MAP2K5: variants seen among roughly 807,000 people sequenced by gnomAD.
MAP2K5 encodes mitogen-activated protein kinase kinase 5, also known as dual specificity mitogen-activated protein kinase kinase 5.
In MAP2K5, 49 loss-of-function variants were observed where a neutral mutation model predicts 83.1. The observed-to-expected ratio is 0.59, with a 90% CI of 0.47 to 0.75. The LOEUF is 0.75. MAP2K5 is among the 30% of genes least tolerant of loss of function. The pLI is 0.00. For synonymous variants in MAP2K5, 202 were observed against 191.8 expected, an observed-to-expected ratio of 1.05 and a Z score of -0.44; for missense variants, 457 against 557.5, an observed-to-expected ratio of 0.82 and a Z score of 1.82.
Position 67,738,909 on chromosome 15 carries a change from C to T in MAP2K5, c.1075-9322C>T, listed in dbSNP as rs1268940266. On this transcript the variant is annotated intron_variant, in intron 17 of 21. Coordinates refer to ENST00000178640, the MANE Select transcript of MAP2K5 (RefSeq NM_145160.3). The surrounding 1 kb of genome is among the most constrained non-coding windows in gnomAD (Gnocchi z 4.1). ...GCTCATCACCATCTCCCTCCGATTACTTCCTTGAAGTTTACTGAAACCTGA... is the reference window on the plus strand; with the variant it reads ...GCTCATCACCATCTCCCTCCGATTATTTCCTTGAAGTTTACTGAAACCTGA... Among the ~76,000 whole-genome samples, 1 of 152,166 alleles carries T rather than the reference C, an allele frequency of 6.6e-6. No individual in the cohort carries two copies. The highest frequency in any genetic ancestry group is 1.5e-5 in the Non-Finnish European group (1 of 68,034).
At chr15:67,706,357 G>A (rs765220186) in intron 16 of MAP2K5, among the ~76,000 whole-genome samples, 2 of 152,154 alleles carry the variant, frequency 1.3e-5, no homozygotes, top group African/African-American at 4.8e-5. Context: ...TGAATTTTCA[G>A]GATCGAAGAG....
chr15:67,679,360 A>G (rs1447919028), intron 13 of MAP2K5, among the ~76,000 whole-genome samples: 3 of 152,122 alleles, frequency 2.0e-5, no homozygotes, highest in Non-Finnish European at 2.9e-5. Context: ...CACGATACCA[A>G]TTTCCACAGT....
chr15:67,648,194 A>G (rs952856668), intron 11 of MAP2K5, among the ~76,000 whole-genome samples: 4 of 152,176 alleles, frequency 2.6e-5, no homozygotes, highest in African/African-American at 7.2e-5. Context: ...TACCACCCCC[A>G]GAAAGAGACT....
At chr15:67,683,849 A>C (rs2087883196) in intron 13 of MAP2K5, among the ~76,000 whole-genome samples, 1 of 152,234 alleles carries the variant, frequency 6.6e-6, no homozygotes, top group African/African-American at 2.4e-5. Flanking sequence ...ACCAAAAATA[A>C]TTAGGAAACT....
chr15:67,588,215 C>A, intron 6 of MAP2K5: 1 of 409,572 alleles, frequency 2.4e-6, no homozygotes, highest in Non-Finnish European at 3.3e-6. Flanking sequence ...TCCCACCTGA[C>A]ATTCCAGCTT....
Position 67,794,174 on chromosome 15 carries a change from C to G in MAP2K5, c.1243-12472C>G, listed in dbSNP as rs903169274. 2.0e-5 allele frequency among the ~76,000 whole-genome samples: 3 copies of G among 152,184 alleles called. No individual in the cohort carries two copies. Among genetic ancestry groups the G allele is most frequent in the African/African-American group, 7.2e-5 (3 of 41,426 alleles). On this transcript the variant is annotated intron_variant, in intron 21 of 21. Transcript: ENST00000178640. This position sits in a 1 kb window ranked among gnomAD's most constrained non-coding sequence, Gnocchi z 4.6. ...ACCACCTTGGAAAATGCAGGTCACA[C>G]CAGTCACCACCATCAAAAACGCATT...
rs117642045 is a variant in MAP2K5 at position 67,784,944 on chromosome 15, G to T, written c.1242+12192G>T. 2.7e-3 allele frequency among the ~76,000 whole-genome samples: 418 copies of T among 152,266 alleles called. 8 individuals are homozygous for T. In the East Asian group the frequency reaches 0.047, roughly 17 times the overall value. Reference sequence around the variant, plus strand: ...ACCAGTGGTAGTATCTGAACTGTTTGTTGTTTTTTCCCTGAGACAGGGTCT... The same window carrying T: ...ACCAGTGGTAGTATCTGAACTGTTTTTTGTTTTTTCCCTGAGACAGGGTCT... On this transcript the variant is annotated intron_variant, in intron 21 of 21. Coordinates refer to ENST00000178640, the MANE Select transcript of MAP2K5 (RefSeq NM_145160.3).
intron 3 of MAP2K5, among the ~76,000 whole-genome samples, chr15:67,576,326 T>C (rs2085064060): frequency 6.8e-6 from 1 of 147,854 alleles, no homozygotes; most frequent in Admixed American, 6.7e-5. Context: ...AAAAATGTAA[T>C]TATTGATTGA....
chr15:67,742,621 T>C (rs371942173), intron 17 of MAP2K5, among the ~76,000 whole-genome samples: 85 of 152,348 alleles, frequency 5.6e-4, no homozygotes, highest in African/African-American at 2.0e-3. Context: ...AAGACTGATA[T>C]GGCAAATGTC....
chr15:67,753,903 T>A (rs1413606268), intron 19 of MAP2K5, among the ~76,000 whole-genome samples: 1 of 152,216 alleles, frequency 6.6e-6, no homozygotes, highest in Non-Finnish European at 1.5e-5. Context: ...AACTTATACA[T>A]GAACATTCAT....
At chr15:67,574,488 C>CG (rs2085013146) in intron 3 of MAP2K5, among the ~76,000 whole-genome samples, 1 of 149,604 alleles carries the variant, frequency 6.7e-6, no homozygotes, top group African/African-American at 2.5e-5. Context: ...AGGAGAATCA[C>CG]TTGAACCCAG....
At chr15:67,622,013 G>A (rs867329148) in intron 8 of MAP2K5, among the ~76,000 whole-genome samples, 2 of 151,850 alleles carry the variant, frequency 1.3e-5, no homozygotes, top group South Asian at 2.1e-4. Flanking sequence ...GTGAAACACC[G>A]CCTCTACTAA....
chr15:67,804,300 C>G (rs917971319), intron 21 of MAP2K5, among the ~76,000 whole-genome samples: 2 of 152,242 alleles, frequency 1.3e-5, no homozygotes, highest in Admixed American at 1.3e-4. Flanking sequence ...TGTCTGTCCC[C>G]TGTGATTCTC....
At chr15:67,656,154 C>T (rs903913125) in intron 11 of MAP2K5, among the ~76,000 whole-genome samples, 1 of 151,982 alleles carries the variant, frequency 6.6e-6, no homozygotes, top group African/African-American at 2.4e-5. Flanking sequence ...TCAAACCTAC[C>T]GAGCCACAGA....
intron 11 of MAP2K5, among the ~76,000 whole-genome samples, chr15:67,646,851 G>A (rs1241811564): frequency 2.0e-5 from 3 of 152,158 alleles, no homozygotes; most frequent in African/African-American, 7.2e-5. Context: ...AATGTCCTGT[G>A]TCTTTCAGAA....
intron 17 of MAP2K5, among the ~76,000 whole-genome samples, chr15:67,737,317 T>C (rs144153034): frequency 2.6e-5 from 4 of 152,324 alleles, no homozygotes; most frequent in Non-Finnish European, 5.9e-5. Context: ...TCCAGTGTTT[T>C]ACTTATCACC....
At position 67,645,964 on chromosome 15, in the gene MAP2K5, T is replaced by G. The variant is rs547780830; in HGVS notation, c.586-267T>G. Among the ~76,000 whole-genome samples the G allele has an allele frequency of 1.3e-3, 195 of 152,306 alleles. 1 individual carries two copies. Among genetic ancestry groups the G allele is most frequent in the African/African-American group, 4.5e-3 (189 of 41,560 alleles). On this transcript the variant is annotated intron_variant, in intron 9 of 21. Coordinates refer to ENST00000178640, the MANE Select transcript of MAP2K5 (RefSeq NM_145160.3). ...TAAATTAAGAGTGTTATAACTTAAC[T>G]GACTTTTAAAGCCATTACTATTGAC...
rs574568154 is a variant in MAP2K5 at position 67,715,659 on chromosome 15, G to A, written c.1044+12251G>A. On this transcript the variant is annotated intron_variant, in intron 16 of 21. Transcript: ENST00000178640. ...AATTTGAAATTTAAAAAAAAGCAAA[G>A]TCTTGATATGAAGAATAAAGAAAGA... Among the ~76,000 whole-genome samples, 4 of 152,248 alleles carry A rather than the reference G, an allele frequency of 2.6e-5. No homozygotes were observed. The South Asian group carries it at 6.2e-4, about 24-fold the overall frequency.
At chr15:67,610,297 C>T (rs553853977) in intron 8 of MAP2K5, among the ~76,000 whole-genome samples, 1 of 152,272 alleles carries the variant, frequency 6.6e-6, no homozygotes, top group Non-Finnish European at 1.5e-5. Context: ...GACAACATAA[C>T]TTGTTATTTG....
Sources: gnomAD v4.1 joint callset for allele counts (sites outside exome capture counted in the v4.1 genomes callset) on GRCh38, gnomAD v4.1.1 for gene constraint, Gnocchi (gnomAD v3.1) non-coding constraint, MANE v1.5 for transcripts, NCBI Gene and HGNC (gene_info 2026-07-23, HGNC 2026-07-21) for gene names.